Variants in ATRAID observed in about 807,000 individuals in gnomAD.
The protein encoded by ATRAID is all-trans retinoic acid-induced differentiation factor.
Under a neutral mutation model 28.8 loss-of-function variants are expected in ATRAID, and 26 were observed. That is an observed-to-expected ratio of 0.90 (90% CI 0.66 to 1.25). The LOEUF is 1.25. Ranked by LOEUF, ATRAID falls within the 50% of genes most tolerant of loss-of-function variation. The probability of loss-of-function intolerance (pLI) is 0.00; values close to 1 mark genes in which losing one functional copy is unlikely to be tolerated. For missense variants in ATRAID, 308 were observed against 285.9 expected, an observed-to-expected ratio of 1.08 and a Z score of -0.56; for synonymous variants, 131 against 108.5, an observed-to-expected ratio of 1.21 and a Z score of -1.29.
At chr2:27,215,110 TAATTTA>T (rs1033265600) in intron 2 of ATRAID, among the ~76,000 whole-genome samples, 3 of 152,220 alleles carry the variant, frequency 2.0e-5, no homozygotes, top group East Asian at 3.9e-4. Flanking sequence ...TAAGGTACAT[TAATTTA>T]AATTTAAGTA....
Position 27,216,939 on chromosome 2 carries a change from G to A in ATRAID, c.681G>A (p.Lys227=), listed in dbSNP as rs1674872396. ...LLWATQRRKA[K]TS ...GGGCGACCCAGCGCCGAAAAGCCAA[G>A]ACTTCATGAACTACATAGGTCTTAC... Residue 227 remains lysine (K), a synonymous_variant, in exon 7 of 7, where the codon AAG becomes AAA. Transcript: ENST00000380171. 1 of 1,611,090 alleles carries A rather than the reference G, an allele frequency of 6.2e-7. No individual in the cohort carries two copies.
intron 1 of ATRAID, chr2:27,212,817 G>C: frequency 1.9e-6 from 1 of 539,032 alleles, no homozygotes; most frequent in African/African-American, 2.0e-5. Flanking sequence ...AATGCTTGAT[G>C]AGTTCTTTAC....
At chr2:27,213,361 C>A in intron 2 of ATRAID, 63 bp downstream of exon 2, 1 of 1,551,390 alleles carries the variant, frequency 6.4e-7, no homozygotes, top group East Asian at 2.3e-5. Flanking sequence ...TGCTTTTATA[C>A]CCTTATATTA....
rs921323005 is a variant in ATRAID at position 27,212,525 on chromosome 2, C to G, written c.99+58C>G. ...AGGGTCGCTGGCCAGCCGTGCGTCG[C>G]GCTCGCCAGCGGCTCCCCCTTCTCC... On this transcript the variant is annotated intron_variant, in intron 1 of 6. Transcript: ENST00000380171. 1.1e-5 allele frequency: 16 copies of G among 1,506,276 alleles called. No homozygotes were observed. In the Admixed American group the frequency reaches 2.0e-4, roughly 19 times the overall value. The allele number at this position is 1,506,276 out of a possible 1,614,324, so 93.3% of individuals were successfully genotyped here.
intron 2 of ATRAID, among the ~76,000 whole-genome samples, chr2:27,214,725 G>T (rs1226763184): frequency 6.6e-6 from 1 of 152,198 alleles, no homozygotes; most frequent in Non-Finnish European, 1.5e-5. Context: ...GGTGGCATGT[G>T]CCTATAATCT....
chr2:27,215,197 T>G, intron 2 of ATRAID, 124 bp from the exon 3 acceptor site: 1 of 923,950 alleles, frequency 1.1e-6, no homozygotes. Flanking sequence ...TCCTAGTGTG[T>G]GACTCTGAAC....
rs918231801 is a variant in ATRAID, at chr2:27,213,024, T to C, written c.100-153T>C. 8.7e-6 allele frequency: 8 copies of C among 923,396 alleles called. No homozygotes were observed. The Admixed American group carries it at 1.6e-4, about 18-fold the overall frequency. 57.2% of individuals were successfully genotyped at this position (923,396 alleles called of 1,614,324 possible). On this transcript the variant is annotated intron_variant, in intron 1 of 6. Transcript: ENST00000380171. ...AGAGATGGCATCTCCTAGCCTAGCCTGTTACAAGGGTGGGACACGAGCCGT... is the reference window on the plus strand; with the variant it reads ...AGAGATGGCATCTCCTAGCCTAGCCCGTTACAAGGGTGGGACACGAGCCGT...
At chr2:27,216,500 C>G in intron 5 of ATRAID, 23 bp from the exon 6 acceptor site, 1 of 1,538,450 alleles carries the variant, frequency 6.5e-7, no homozygotes, top group Non-Finnish European at 9.0e-7. Flanking sequence ...AAGTGATGTT[C>G]TCTATTTCTC....
chr2:27,212,173 G>A lies in ATRAID; in HGVS notation c.-196G>A. 1.3e-6 allele frequency: 2 copies of A among 1,536,936 alleles called. No individual in the cohort carries two copies. The highest frequency in any genetic ancestry group is 1.7e-6 in the Non-Finnish European group (2 of 1,142,888). ...TAAAGGGGAAAAGGAAGAGGGGGTCGGCCAGTATCCCCGAAAGAGGGCTAG... is the reference window on the plus strand; with the variant it reads ...TAAAGGGGAAAAGGAAGAGGGGGTCAGCCAGTATCCCCGAAAGAGGGCTAG... On this transcript the variant is annotated 5_prime_UTR_variant, in exon 1 of 7. Coordinates refer to ENST00000380171, the MANE Select transcript of ATRAID (RefSeq NM_001170795.4).
At position 27,215,720 on chromosome 2, in the gene ATRAID, C is replaced by T. The variant is rs758729428; in HGVS notation, c.454C>T (p.Gln152Ter). The T allele has an allele frequency of 1.9e-6, 3 of 1,614,192 alleles. No homozygotes were observed. Among genetic ancestry groups the T allele is most frequent in the Non-Finnish European group, 2.5e-6 (3 of 1,180,030 alleles). The change falls in exon 5 of 7, where the codon CAA (glutamine) becomes TAA (stop). Residue 152 changes from glutamine (Q) to a stop codon, truncating the protein, a stop_gained. Coordinates refer to ENST00000380171, the MANE Select transcript of ATRAID (RefSeq NM_001170795.4). LOFTEE classifies it high-confidence loss of function. ...SYIDNQICQG[Q>*]KNLCNNTGDP... Reference sequence around the variant, plus strand: ...TATAGACAACCAAATCTGTCAAGGGCAAAAGAACCTTTGCAATAACACTGG... The same window carrying T: ...TATAGACAACCAAATCTGTCAAGGGTAAAAGAACCTTTGCAATAACACTGG...
intron 1 of ATRAID, 113 bp downstream of exon 1, chr2:27,212,580 C>T: frequency 6.8e-7 from 1 of 1,465,020 alleles, no homozygotes; most frequent in Non-Finnish European, 9.0e-7. Flanking sequence ...GATTTCGTCC[C>T]TGACGCTTCC....
In ATRAID at chr2:27,214,928, C is replaced by T. The variant is rs115343750; in HGVS notation, c.222-393C>T. 9.0e-3 allele frequency among the ~76,000 whole-genome samples: 1,341 copies of T among 149,644 alleles called. 20 individuals carry two copies. The highest frequency in any genetic ancestry group is 0.031 in the African/African-American group (1,275 of 41,306). ...GGTTATTCCATTTGCACTTGAAATA[C>T]GGCTAGTGCAAATGAGACACTGAAT... On this transcript the variant is annotated intron_variant, in intron 2 of 6. Coordinates refer to ENST00000380171, the MANE Select transcript of ATRAID (RefSeq NM_001170795.4).
At chr2:27,213,044 A>G in intron 1 of ATRAID, 133 bp from the exon 2 acceptor site, 4 of 1,131,240 alleles carry the variant, frequency 3.5e-6, no homozygotes, top group Non-Finnish European at 5.1e-6. Context: ...GTGGGACACG[A>G]GCCGTTTATC....
Position 27,217,122 on chromosome 2 carries a change from G to A in ATRAID, c.*174G>A, listed in dbSNP as rs1261627382. The A allele has an allele frequency of 1.8e-6, 1 of 561,500 alleles. No individual in the cohort carries two copies. The highest frequency in any genetic ancestry group is 3.1e-6 in the Non-Finnish European group (1 of 323,572). 34.8% of individuals were successfully genotyped at this position (561,500 alleles called of 1,614,324 possible). The stretch of plus-strand genomic sequence containing the variant: ...GTGTAGACAAATACCAGTTCCCATT[G>A]GTGTTGTTGCCTATAATAAACACTT... On this transcript the variant is annotated 3_prime_UTR_variant, in exon 7 of 7. Coordinates refer to ENST00000380171, the MANE Select transcript of ATRAID (RefSeq NM_001170795.4).
chr2:27,215,664 G>A lies in ATRAID; in HGVS notation c.398G>A (p.Gly133Glu), dbSNP rs202172634. Reference protein sequence around the residue: ...ILPQHVNCPGGINAWNTITSY... With the variant: ...ILPQHVNCPGEINAWNTITSY... ...CCACAACATGTCAACTGTCCTGGAG[G>A]AATTAATGCCTGGAATACTATCACC... Residue 133 changes from glycine to glutamate, a missense_variant, in exon 5 of 7, where the codon GGA (glycine) becomes GAA (glutamate). Coordinates refer to ENST00000380171, the MANE Select transcript of ATRAID (RefSeq NM_001170795.4). The A allele has an allele frequency of 1.6e-5, 26 of 1,614,080 alleles. No individual in the cohort carries two copies. The highest frequency in any genetic ancestry group is 3.3e-4 in the Middle Eastern group (2 of 6,084).
rs1429553893 is a variant in ATRAID at position 27,215,388 on chromosome 2, A to T, written c.289A>T (p.Ile97Phe). Residue 97 changes from isoleucine to phenylalanine, a missense_variant, in exon 3 of 7, where the codon ATC (isoleucine) becomes TTC (phenylalanine). By Grantham distance (21) the Ile-to-Phe change is conservative (BLOSUM62 0). Transcript: ENST00000380171. ...CTTTCATCAGGCACATACCACTGTC[A>T]TCATGTAAGTAGTTAGGTACCTCCC... ...PNFHQAHTTV[I>F]IDLQANPLKG... 2 of 1,614,092 alleles carry T rather than the reference A, an allele frequency of 1.2e-6. No homozygotes were observed. The highest frequency in any genetic ancestry group is 1.7e-6 in the Non-Finnish European group (2 of 1,180,036).
At position 27,217,007 on chromosome 2, in the gene ATRAID, G is replaced by A; in HGVS notation, c.*59G>A. The A allele has an allele frequency of 1.4e-6, 2 of 1,428,270 alleles. No individual in the cohort carries two copies. Among genetic ancestry groups the A allele is most frequent in the Non-Finnish European group, 9.6e-7 (1 of 1,041,924 alleles). 88.5% of individuals were successfully genotyped at this position (1,428,270 alleles called of 1,614,324 possible). Reference sequence around the variant, plus strand: ...TCTGAACTATCTTAGCCCAGTCAGGGAGCTCTGCTTCCTAGAAAGGCATCT... The same window carrying A: ...TCTGAACTATCTTAGCCCAGTCAGGAAGCTCTGCTTCCTAGAAAGGCATCT... On this transcript the variant is annotated 3_prime_UTR_variant, in exon 7 of 7. Transcript: ENST00000380171.
intron 2 of ATRAID, 148 bp downstream of exon 2, chr2:27,213,446 G>A (rs1442324321): frequency 4.5e-6 from 5 of 1,100,014 alleles, no homozygotes; most frequent in Non-Finnish European, 6.2e-6. Flanking sequence ...TCTCTTTAGT[G>A]TCTTTTTTAA....
chr2:27,213,279 C>G lies in ATRAID; in HGVS notation c.202C>G (p.Gln68Glu), dbSNP rs772220988. The G allele has an allele frequency of 9.3e-6, 15 of 1,614,140 alleles. No homozygotes were observed. The South Asian group carries it at 1.5e-4, about 17-fold the overall frequency. Residue 68 changes from glutamine to glutamate, a missense_variant, in exon 2 of 7, where the codon CAG becomes GAG. Transcript: ENST00000380171. ...GCTGCATGCCCGTTGCTGCCTGAAT[C>G]AGAAGGGCACCATCTTGGGGTGAGG... is the stretch of plus-strand genomic sequence containing the variant. ...LMLHARCCLN[Q>E]KGTILGLDLQ...
Sources: allele counts gnomAD v4.1 joint callset (sites outside exome capture counted in the v4.1 genomes callset), GRCh38; gene constraint gnomAD v4.1.1; transcripts MANE v1.5; gene names NCBI Gene and HGNC (gene_info 2026-07-23, HGNC 2026-07-21).